Variants in ERICH1 observed in about 807,000 individuals in gnomAD.
ERICH1 encodes glutamate-rich protein 1.
A neutral mutation model predicts 39.6 loss-of-function variants in ERICH1; 56 were observed. The ratio of observed to expected loss-of-function variants is 1.41; its 90% CI spans 1.14 to 1.77. The LOEUF (loss-of-function observed/expected upper bound fraction) is 1.77, where lower values mean the gene tolerates loss of function less well. Among genes scored for constraint, ERICH1 ranks in the 40% most tolerant of loss-of-function variants. The probability of loss-of-function intolerance (pLI) is 0.00; values close to 1 mark genes in which losing one functional copy is unlikely to be tolerated. For synonymous variants in ERICH1, 313 were observed against 223.6 expected, an observed-to-expected ratio of 1.40 and a Z score of -3.57; for missense variants, 826 against 575.4, an observed-to-expected ratio of 1.44 and a Z score of -4.45.
intron 3 of ERICH1, among the ~76,000 whole-genome samples, chr8:622,459 A>G (rs972064233): frequency 1.3e-5 from 2 of 152,162 alleles, no homozygotes; most frequent in African/African-American, 4.8e-5. Flanking sequence ...AGAAGACACC[A>G]TATCTATGAA....
chr8:731,135 C>G lies in ERICH1; in HGVS notation c.22+5G>C. The G allele has an allele frequency of 6.6e-7, 1 of 1,525,154 alleles. No individual in the cohort carries two copies. The allele number at this position is 1,525,154 out of a possible 1,614,324, so 94.5% of individuals were successfully genotyped here. ...TGGGCAGGCCTCCGCACCGCACCCA[C>G]CTACCGTGCTTCCTGTGCGCCGCCA... is the stretch of plus-strand genomic sequence containing the variant. On this transcript the variant is annotated splice_donor_5th_base_variant and intron_variant, in intron 1 of 5. Transcript: ENST00000262109.
In ERICH1 at chr8:692,584, T is replaced by G. The variant is rs1253347690; in HGVS notation, c.198A>C (p.Arg66=). Residue 66 remains arginine (R), a synonymous_variant, in exon 3 of 6, where the codon CGA becomes CGC. Transcript: ENST00000262109. ...GAGGCCCGCTGGCAGTGTAGAGCCG[T>G]CGGGCAGTCGGGGTCTCAGAGCCAG... is the stretch of plus-strand genomic sequence containing the variant. ...TDTGSETPTA[R]RLYTASGPPE... is the part of the protein sequence containing the mutation. 2 of 1,603,472 alleles carry G rather than the reference T, an allele frequency of 1.2e-6. No homozygotes were observed. The highest frequency in any genetic ancestry group is 1.7e-5 in the Admixed American group (1 of 58,670).
intron 3 of ERICH1, among the ~76,000 whole-genome samples, chr8:617,859 T>G (rs897105269): frequency 2.0e-5 from 3 of 149,372 alleles, no homozygotes; most frequent in Non-Finnish European, 4.4e-5. Flanking sequence ...TGCTCAGTAC[T>G]GAGTGCTCCA....
At chr8:635,582 A>G (rs533732897) in intron 3 of ERICH1, among the ~76,000 whole-genome samples, 1 of 152,308 alleles carries the variant, frequency 6.6e-6, no homozygotes, top group East Asian at 1.9e-4. Context: ...CGTAGTGGCC[A>G]GCCGGCCCGG....
At chr8:713,500 C>T (rs1815239375) in intron 2 of ERICH1, among the ~76,000 whole-genome samples, 1 of 152,142 alleles carries the variant, frequency 6.6e-6, no homozygotes, top group Admixed American at 6.5e-5. Context: ...AGTGTAACCC[C>T]GTATCTAGGA....
intron 5 of ERICH1, chr8:667,213 C>G (rs1294163997): frequency 6.5e-6 from 1 of 152,978 alleles, no homozygotes; most frequent in Non-Finnish European, 1.5e-5. Flanking sequence ...GAGACTCACT[C>G]AATGCCTCTC....
chr8:697,295 C>T (rs963453671), intron 2 of ERICH1, among the ~76,000 whole-genome samples: 1 of 152,190 alleles, frequency 6.6e-6, no homozygotes, highest in Non-Finnish European at 1.5e-5. Context: ...CTCCTGCCAG[C>T]GCAGGCACAG....
chr8:714,890 G>A (rs569435504), intron 2 of ERICH1, among the ~76,000 whole-genome samples: 1 of 152,262 alleles, frequency 6.6e-6, no homozygotes, highest in East Asian at 1.9e-4. Flanking sequence ...GGTGGGATGT[G>A]CTGCACAGAG....
At position 700,247 on chromosome 8, in the gene ERICH1, CCGCACACG is replaced by C. The variant is rs1428907564; in HGVS notation, c.170-7643_170-7636del. Among the ~76,000 whole-genome samples, 78 of 49,378 alleles carry C rather than the reference CCGCACACG, an allele frequency of 1.6e-3. 9 individuals carry two copies. Among genetic ancestry groups the C allele is most frequent in the African/African-American group, 4.4e-3 (78 of 17,708 alleles). 32.4% of individuals were successfully genotyped at this position (49,378 alleles called of 152,430 possible). A position where few individuals can be genotyped will look rare whatever the true frequency, so the allele number is the denominator to read the frequency against. On this transcript the variant is annotated intron_variant, in intron 2 of 5. Coordinates refer to ENST00000262109, the MANE Select transcript of ERICH1 (RefSeq NM_207332.3). The stretch of plus-strand genomic sequence containing the variant: ...CACACGCGCACAGGCCCGCACAGGC[CCGCACACG>C]CGCACAGGCCCGCACAGGCGCACAG...
chr8:702,456 T>G (rs1275715206), intron 2 of ERICH1, among the ~76,000 whole-genome samples: 1 of 152,004 alleles, frequency 6.6e-6, no homozygotes, highest in Non-Finnish European at 1.5e-5. Flanking sequence ...GGAAACTCCC[T>G]GAGTGCAGAC....
At chr8:705,885 G>A (rs1467413729) in intron 2 of ERICH1, among the ~76,000 whole-genome samples, 3 of 152,200 alleles carry the variant, frequency 2.0e-5, no homozygotes, top group Non-Finnish European at 4.4e-5. Context: ...TGCGGACCCT[G>A]AAGATGGTAA....
chr8:665,873 G>C (rs1802151177), intron 5 of ERICH1: 1 of 152,156 alleles, frequency 6.6e-6, no homozygotes, highest in Non-Finnish European at 1.5e-5. Context: ...ATCCTACAGA[G>C]GTGAGAGACA....
intron 3 of ERICH1, among the ~76,000 whole-genome samples, chr8:634,126 T>A (rs1363412138): frequency 8.7e-6 from 1 of 114,926 alleles, no homozygotes. Context: ...ATGCATCTAG[T>A]AAGGGGTTAA....
At chr8:635,353 C>A (rs1287833143) in intron 3 of ERICH1, among the ~76,000 whole-genome samples, 1 of 152,216 alleles carries the variant, frequency 6.6e-6, no homozygotes, top group Admixed American at 6.5e-5. Flanking sequence ...AAACGCCAAG[C>A]CCGGGCCGTT....
chr8:653,654 G>A (rs556164609), intron 3 of ERICH1, among the ~76,000 whole-genome samples: 1 of 152,360 alleles, frequency 6.6e-6, no homozygotes, highest in African/African-American at 2.4e-5. Flanking sequence ...TTCAGTTGAA[G>A]TGTTTCTTTT....
intron 2 of ERICH1, among the ~76,000 whole-genome samples, chr8:707,276 T>C (rs1041063785): frequency 9.9e-5 from 15 of 151,448 alleles, no homozygotes; most frequent in East Asian, 9.7e-4. Context: ...GATGCGATCT[T>C]GGCTCACTGC....
intron 3 of ERICH1, among the ~76,000 whole-genome samples, chr8:688,501 C>T (rs988281473): frequency 6.6e-6 from 1 of 151,826 alleles, no homozygotes; most frequent in Non-Finnish European, 1.5e-5. Flanking sequence ...TACAACGCCA[C>T]GGCCCTCCTG....
At chr8:697,575 C>T (rs1319309885) in intron 2 of ERICH1, among the ~76,000 whole-genome samples, 4 of 152,280 alleles carry the variant, frequency 2.6e-5, no homozygotes, top group Middle Eastern at 3.4e-3. Flanking sequence ...TCACCTGGCA[C>T]GGAGCTGGAG....
chr8:665,171 C>A (rs561730458), intron 5 of ERICH1, among the ~76,000 whole-genome samples: 1 of 150,944 alleles, frequency 6.6e-6, no homozygotes, highest in Non-Finnish European at 1.5e-5. Flanking sequence ...CAAGACACCA[C>A]AATCGCGATG....
Sources: gnomAD v4.1 joint callset for allele counts (sites outside exome capture counted in the v4.1 genomes callset) on GRCh38, gnomAD v4.1.1 for gene constraint, MANE v1.5 for transcripts, NCBI Gene and HGNC (gene_info 2026-07-23, HGNC 2026-07-21) for gene names.